The following TOP6BL variants were observed in gnomAD, a reference collection of about 807,000 sequenced individuals.
TOP6BL encodes TOP6B like initiator of meiotic double strand breaks.
the TOP6BL span, chr11:66,759,110 TA>T: frequency 6.7e-7 from 1 of 1,502,474 alleles, no homozygotes; most frequent in Non-Finnish European, 9.0e-7. Flanking sequence ...AAGAATTACC[TA>T]ACTTCCATGA....
the TOP6BL span, among the ~76,000 whole-genome samples, chr11:66,835,159 C>T: frequency 6.6e-6 from 1 of 151,836 alleles, no homozygotes; most frequent in Non-Finnish European, 1.5e-5. Context: ...CCAGAGAGGC[C>T]CAGAGCTTCA....
the TOP6BL span, chr11:66,759,080 C>T: frequency 5.8e-6 from 9 of 1,558,778 alleles, no homozygotes; most frequent in East Asian, 2.3e-5. Context: ...GCATGGTCCT[C>T]AAGAAGTTCC....
the TOP6BL span, among the ~76,000 whole-genome samples, chr11:66,800,056 C>T: frequency 1.3e-5 from 2 of 150,636 alleles, no homozygotes; most frequent in Non-Finnish European, 3.0e-5. Context: ...CAGAGCAAGA[C>T]CCTGTCTCAA....
At chr11:66,838,638 C>T in the TOP6BL span, among the ~76,000 whole-genome samples, 2 of 152,154 alleles carry the variant, frequency 1.3e-5, no homozygotes, top group African/African-American at 4.8e-5. Context: ...TAGGACAGGA[C>T]TAGAAATTTG....
chr11:66,810,353 C>A, the TOP6BL span, among the ~76,000 whole-genome samples: 2 of 152,098 alleles, frequency 1.3e-5, no homozygotes, highest in East Asian at 1.9e-4. Context: ...CGGGTAGATA[C>A]AAAATACTTT....
chr11:66,834,117 C>G, the TOP6BL span, among the ~76,000 whole-genome samples: 1 of 152,210 alleles, frequency 6.6e-6, no homozygotes, highest in African/African-American at 2.4e-5. Flanking sequence ...AATCCCTAAT[C>G]TGTGCCGAGA....
chr11:66,750,686 T>C, the TOP6BL span, among the ~76,000 whole-genome samples: 1 of 151,860 alleles, frequency 6.6e-6, no homozygotes, highest in South Asian at 2.1e-4. Flanking sequence ...CTAAGTAACA[T>C]GTTTGTGTTG....
At chr11:66,828,700 C>T in the TOP6BL span, 1 of 180,258 alleles carries the variant, frequency 5.5e-6, no homozygotes, top group South Asian at 1.4e-4. Context: ...CTTATTTATT[C>T]ATCCTACATT....
chr11:66,830,003 T>G, the TOP6BL span, among the ~76,000 whole-genome samples: 1 of 152,182 alleles, frequency 6.6e-6, no homozygotes, highest in African/African-American at 2.4e-5. Flanking sequence ...CTCTCAATAA[T>G]TAATAGTTAT....
At chr11:66,829,944 A>C in the TOP6BL span, among the ~76,000 whole-genome samples, 2 of 152,212 alleles carry the variant, frequency 1.3e-5, no homozygotes. Flanking sequence ...TAGAACTATA[A>C]GGAGAAATAG....
At chr11:66,797,002 CTTTT>C in the TOP6BL span, among the ~76,000 whole-genome samples, 1 of 136,378 alleles carries the variant, frequency 7.3e-6, no homozygotes. Flanking sequence ...CCAAGGCAAT[CTTTT>C]TTTTTTTTTT....
At chr11:66,832,852 C>A in the TOP6BL span, among the ~76,000 whole-genome samples, 1 of 152,120 alleles carries the variant, frequency 6.6e-6, no homozygotes, top group Non-Finnish European at 1.5e-5. Context: ...GTTCTGGAGG[C>A]CAGAAGTCCA....
chr11:66,744,930 G>A, the TOP6BL span: 1 of 1,252,762 alleles, frequency 8.0e-7, no homozygotes, highest in Non-Finnish European at 1.0e-6. Flanking sequence ...GTGATGCTGG[G>A]AAGGGAGAGA....
the TOP6BL span, among the ~76,000 whole-genome samples, chr11:66,795,312 T>G: frequency 1.8e-4 from 27 of 150,680 alleles, 1 homozygote; most frequent in East Asian, 5.0e-3. Context: ...CTTTTTTTTT[T>G]TTTTTTCGAG....
chr11:66,819,120 G>T, the TOP6BL span, among the ~76,000 whole-genome samples: 1 of 152,124 alleles, frequency 6.6e-6, no homozygotes, highest in South Asian at 2.1e-4. Flanking sequence ...ATCCTTAAAA[G>T]CTTTCTCTAG....
At chr11:66,826,872 AG>A in the TOP6BL span, among the ~76,000 whole-genome samples, 1 of 148,690 alleles carries the variant, frequency 6.7e-6, no homozygotes, top group African/African-American at 2.5e-5. Flanking sequence ...TAGTAGAGAC[AG>A]GGTTTCTCCA....
At chr11:66,831,670 G>T in the TOP6BL span, among the ~76,000 whole-genome samples, 1 of 152,132 alleles carries the variant, frequency 6.6e-6, no homozygotes, top group Non-Finnish European at 1.5e-5. Flanking sequence ...TTGTGTGATG[G>T]TTTCACAGGT....
At chr11:66,828,471 GTCAGCCTT>G in the TOP6BL span, 21 of 764,998 alleles carry the variant, frequency 2.7e-5, no homozygotes, top group Non-Finnish European at 3.9e-5. Flanking sequence ...ATAATCTGAG[GTCAGCCTT>G]TCAGCAAGGA....
At chr11:66,824,213 C>A in the TOP6BL span, among the ~76,000 whole-genome samples, 8 of 151,942 alleles carry the variant, frequency 5.3e-5, no homozygotes, top group East Asian at 3.9e-4. Flanking sequence ...GGTCATTAGG[C>A]CTTCATGAAT....
Sources: allele counts gnomAD v4.1 joint callset (sites outside exome capture counted in the v4.1 genomes callset), GRCh38; gene constraint gnomAD v4.1.1; transcripts MANE v1.5; gene names NCBI Gene and HGNC (gene_info 2026-07-23, HGNC 2026-07-21).